The following LIPA variants were observed in gnomAD, a reference collection of about 807,000 sequenced individuals.
The protein encoded by LIPA is lysosomal acid lipase/cholesteryl ester hydrolase.
Under a neutral mutation model 40.6 loss-of-function variants are expected in LIPA, and 26 were observed. That is an observed-to-expected ratio of 0.64 (90% CI 0.47 to 0.89). The LOEUF is 0.89. LIPA is among the 40% of genes least tolerant of loss of function. The pLI, the probability that LIPA is intolerant of heterozygous loss-of-function variation, is 0.00. For missense variants in LIPA, 455 were observed against 479.6 expected (o/e 0.95, Z 0.48); for synonymous variants, 188 against 168.4 (o/e 1.12, Z -0.90).
At chr10:89,334,975 T>C (rs1395677531) in intron 1 of LIPA, among the ~76,000 whole-genome samples, 1 of 152,210 alleles carries the variant, frequency 6.6e-6, no homozygotes, top group East Asian at 1.9e-4. Context: ...TTGGAGTATT[T>C]GTTTTAAGAG....
At chr10:89,332,528 G>A (rs1359587980) in intron 1 of LIPA, 16 of 1,611,488 alleles carry the variant, frequency 9.9e-6, no homozygotes, top group Admixed American at 3.3e-5. Context: ...CAGCACCCTG[G>A]GTGGAAACCT....
At chr10:89,393,239 T>C (rs574655715) in intron 2 of LIPA, 1 of 1,289,886 alleles carries the variant, frequency 7.8e-7, no homozygotes, top group East Asian at 5.5e-5. Context: ...CATAGGCTTC[T>C]GGTCTCACTT....
intron 1 of LIPA, among the ~76,000 whole-genome samples, chr10:89,259,894 G>A (rs1379466073): frequency 6.6e-6 from 1 of 152,138 alleles, no homozygotes; most frequent in African/African-American, 2.4e-5. Flanking sequence ...TCTTTGGGGA[G>A]GAGAGGAGGC....
At chr10:89,377,290 A>G (rs1844128548) in intron 2 of LIPA, among the ~76,000 whole-genome samples, 1 of 152,236 alleles carries the variant, frequency 6.6e-6, no homozygotes. Flanking sequence ...ACTCAGAAGA[A>G]CTATGTGAAT....
chr10:89,369,962 A>G (rs1309554182), intron 2 of LIPA, among the ~76,000 whole-genome samples: 3 of 152,266 alleles, frequency 2.0e-5, no homozygotes, highest in African/African-American at 7.2e-5. Context: ...CTGCAGCTCA[A>G]GAAACTGCTA....
Position 89,225,407 on chromosome 10 carries a change from A to G in LIPA, c.539-179T>C, listed in dbSNP as rs562662511. 8.8e-4 allele frequency among the ~76,000 whole-genome samples: 134 copies of G among 152,298 alleles called. 1 individual carries two copies. Among genetic ancestry groups the G allele is most frequent in the African/African-American group, 3.1e-3 (127 of 41,562 alleles). On this transcript the variant is annotated intron_variant, in intron 5 of 9. Coordinates refer to ENST00000336233, the MANE Select transcript of LIPA (RefSeq NM_000235.4). The stretch of plus-strand genomic sequence containing the variant: ...ACTCTGAACTTCCGTGTGCCCTAAC[A>G]CTGAATTTGGTTAAACTAGTAAATC...
chr10:89,345,339 G>C (rs10159879), upstream of LIPA, among the ~76,000 whole-genome samples: 10,484 of 151,980 alleles, frequency 0.069, 909 homozygotes, highest in African/African-American at 0.2. Context: ...GACCAGCCTG[G>C]CCAACATGGT....
intron 1 of LIPA, chr10:89,314,709 T>A (rs898309889): frequency 8.5e-5 from 13 of 152,236 alleles, no homozygotes; most frequent in African/African-American, 3.1e-4. Context: ...TGATGCAGAA[T>A]GTTATTCAGT....
chr10:89,374,782 CA>C (rs1358064655), intron 2 of LIPA, among the ~76,000 whole-genome samples: 1 of 152,140 alleles, frequency 6.6e-6, no homozygotes, highest in East Asian at 1.9e-4. Context: ...AGTCCCATTC[CA>C]AAATCTCTTC....
At chr10:89,304,787 G>C (rs1014965547) in intron 1 of LIPA, among the ~76,000 whole-genome samples, 3 of 151,558 alleles carry the variant, frequency 2.0e-5, no homozygotes, top group African/African-American at 7.3e-5. Flanking sequence ...TTGTTTTTTG[G>C]TTTGGTTGAT....
chr10:89,300,283 G>GA (rs1159481795), intron 1 of LIPA, among the ~76,000 whole-genome samples: 2 of 152,152 alleles, frequency 1.3e-5, no homozygotes, highest in African/African-American at 2.4e-5. Flanking sequence ...GTGGTGGGAA[G>GA]ATGAGAGTTA....
At chr10:89,243,194 C>A (rs1210475648) in intron 3 of LIPA, among the ~76,000 whole-genome samples, 2 of 152,212 alleles carry the variant, frequency 1.3e-5, no homozygotes, top group Admixed American at 1.3e-4. Context: ...GTGGCAACAA[C>A]CTTGCTCTTG....
chr10:89,395,427 C>T (rs901639402), intron 2 of LIPA, among the ~76,000 whole-genome samples: 1 of 152,144 alleles, frequency 6.6e-6, no homozygotes, highest in African/African-American at 2.4e-5. Flanking sequence ...GCATATTACC[C>T]TCTTCTCTCT....
chr10:89,344,529 G>GA (rs557696906), upstream of LIPA, among the ~76,000 whole-genome samples: 6 of 150,884 alleles, frequency 4.0e-5, no homozygotes, highest in South Asian at 6.3e-4. Context: ...AAGCAGGGAG[G>GA]AAAAAAAGTC....
intron 1 of LIPA, among the ~76,000 whole-genome samples, chr10:89,300,505 G>A (rs895633929): frequency 6.6e-6 from 1 of 152,040 alleles, no homozygotes; most frequent in Non-Finnish European, 1.5e-5. Context: ...TTCTTTGCAC[G>A]TAACAAACAC....
chr10:89,266,470 A>C (rs1843236924), intron 1 of LIPA, among the ~76,000 whole-genome samples: 1 of 152,214 alleles, frequency 6.6e-6, no homozygotes, highest in African/African-American at 2.4e-5. Context: ...ATGATCTAAA[A>C]TATTATATAA....
At chr10:89,357,051 G>C (rs1843992628) in intron 2 of LIPA, among the ~76,000 whole-genome samples, 1 of 152,048 alleles carries the variant, frequency 6.6e-6, no homozygotes, top group African/African-American at 2.4e-5. Flanking sequence ...AACTATCTAG[G>C]GGCCCCCAGT....
At chr10:89,332,182 G>A (rs554489472) in intron 1 of LIPA, among the ~76,000 whole-genome samples, 2 of 152,326 alleles carry the variant, frequency 1.3e-5, no homozygotes, top group Admixed American at 1.3e-4. Flanking sequence ...AGTGAGACTA[G>A]GGAGTCTGGT....
chr10:89,337,052 G>T (rs1440318791), intron 1 of LIPA, among the ~76,000 whole-genome samples: 2 of 152,182 alleles, frequency 1.3e-5, no homozygotes, highest in Non-Finnish European at 2.9e-5. Flanking sequence ...AATTCATTCT[G>T]TCTGGGAATC....
Sources: gnomAD v4.1 joint callset for allele counts (sites outside exome capture counted in the v4.1 genomes callset) on GRCh38, gnomAD v4.1.1 for gene constraint, MANE v1.5 for transcripts, NCBI Gene and HGNC (gene_info 2026-07-23, HGNC 2026-07-21) for gene names.